Variants in VSIG2 observed in about 807,000 individuals in gnomAD.
VSIG2 encodes V-set and immunoglobulin domain containing 2, also known as V-set and immunoglobulin domain-containing protein 2.
A neutral mutation model predicts 29.4 loss-of-function variants in VSIG2; 30 were observed. The ratio of observed to expected loss-of-function variants is 1.02; its 90% CI spans 0.76 to 1.38. VSIG2 has a LOEUF of 1.38. Ranked by LOEUF, VSIG2 falls within the 40% of genes most tolerant of loss-of-function variation. VSIG2 has a pLI of 0.00. For synonymous variants in VSIG2, 178 were observed against 174.2 expected (o/e 1.02, Z -0.17); for missense variants, 421 against 400.8 (o/e 1.05, Z -0.43).
Position 124,750,488 on chromosome 11 carries a change from C to T in VSIG2, c.427+226G>A, listed in dbSNP as rs61910624. On this transcript the variant is annotated intron_variant, in intron 3 of 6. Coordinates refer to ENST00000326621, the MANE Select transcript of VSIG2 (RefSeq NM_014312.5). ...TGTATGGGAAGGACTTTCTCTCACA[C>T]ACTCTGTTATTAGGCTCTGATGGAG... Among the ~76,000 whole-genome samples, 5,141 of 152,010 alleles carry T rather than the reference C, an allele frequency of 0.034. 131 individuals carry two copies. The highest frequency in any genetic ancestry group is 0.082 in the East Asian group (424 of 5,144).
At chr11:124,750,577 G>T in intron 3 of VSIG2, 137 bp downstream of exon 3, 1 of 796,854 alleles carries the variant, frequency 1.3e-6, no homozygotes. Flanking sequence ...CTTGGAAAGG[G>T]AGTATTTTCA....
intron 4 of VSIG2, among the ~76,000 whole-genome samples, chr11:124,749,016 C>T (rs1565439209): frequency 6.6e-6 from 1 of 152,114 alleles, no homozygotes; most frequent in African/African-American, 2.4e-5. Context: ...GAGGACTGCA[C>T]ACTCATGAAG....
intron 6 of VSIG2, 72 bp from the exon 7 acceptor site, chr11:124,747,739 G>A: frequency 6.7e-7 from 1 of 1,498,482 alleles, no homozygotes; most frequent in Non-Finnish European, 9.0e-7. Flanking sequence ...TCTAACCTGG[G>A]GACTCTTAAA....
intron 6 of VSIG2, among the ~76,000 whole-genome samples, 162 bp from the exon 7 acceptor site, chr11:124,747,829 T>G (rs1944032054): frequency 6.6e-6 from 1 of 152,186 alleles, no homozygotes. Context: ...AACGCACAAC[T>G]ACAGGAAGGC....
At position 124,749,786 on chromosome 11, in the gene VSIG2, C is replaced by A. The variant is rs114520645; in HGVS notation, c.508G>T (p.Glu170Ter). Reference protein sequence around the residue: ...GSTALRCSSSEGAPKPVYNWV... With the variant: ...GSTALRCSSS ...TTGTACACTGGCTTAGGAGCCCCCT[C>A]GGAAGAGCTGCATCTCAGTGCAGTA... The change falls in exon 4 of 7, where the codon GAG (glutamate) becomes TAG (stop). Residue 170 changes from glutamate (E) to a stop codon, truncating the protein, a stop_gained. Transcript: ENST00000326621. LOFTEE classifies it high-confidence loss of function. 3 of 1,604,226 alleles carry A rather than the reference C, an allele frequency of 1.9e-6. No individual in the cohort carries two copies. Among genetic ancestry groups the A allele is most frequent in the Non-Finnish European group, 2.6e-6 (3 of 1,175,942 alleles).
Position 124,747,601 on chromosome 11 carries a change from G to A in VSIG2, c.918C>T (p.Phe306=). 1.2e-6 allele frequency: 2 copies of A among 1,613,858 alleles called. No individual in the cohort carries two copies. Among genetic ancestry groups the A allele is most frequent in the South Asian group, 2.2e-5 (2 of 91,060 alleles). Residue 306 remains phenylalanine (F), a synonymous_variant, in exon 7 of 7, where the codon TTC becomes TTT. Coordinates refer to ENST00000326621, the MANE Select transcript of VSIG2 (RefSeq NM_014312.5). ...TGCTGGCAGACGAGGGTCTTTCCAG[G>A]AACCCCTTGCTAGAATCAGCCCTCA... ...TCMRADSSKG[F]LERPSSASTV...
At position 124,748,485 on chromosome 11, in the gene VSIG2, GCCCAGGAGCACC is replaced by G; in HGVS notation, c.744_755del (p.Gly252_Leu255del). On this transcript the variant is annotated inframe_deletion, in exon 6 of 7. Coordinates refer to ENST00000326621, the MANE Select transcript of VSIG2 (RefSeq NM_014312.5). ...ACGCAGCAACTGACAGCAACAGCAC[GCCCAGGAGCACC>G]CCAATCAGAGCTCCGGCCACTCGGC... 1 of 1,614,082 alleles carries G rather than the reference GCCCAGGAGCACC, an allele frequency of 6.2e-7. No individual in the cohort carries two copies. Among genetic ancestry groups the G allele is most frequent in the Non-Finnish European group, 8.5e-7 (1 of 1,180,010 alleles).
In VSIG2 at chr11:124,748,819, C is replaced by T. The variant is rs139227308; in HGVS notation, c.587-56G>A. On this transcript the variant is annotated intron_variant, in intron 4 of 6. Transcript: ENST00000326621. The stretch of plus-strand genomic sequence containing the variant: ...TCATTCAACTCAGTGAGCAGCTCTA[C>T]GAGGACAGCACATTTCATGTCATCC... 722 of 1,613,144 alleles carry T rather than the reference C, an allele frequency of 4.5e-4. 1 individual carries two copies. The highest frequency in any genetic ancestry group is 3.0e-3 in the African/African-American group (227 of 75,012).
Position 124,749,885 on chromosome 11 carries a change from A to ACAAAAAAAAACC in VSIG2, c.428-20_428-19insGGTTTTTTTTTG, listed in dbSNP as rs376974429. On this transcript the variant is annotated intron_variant, in intron 3 of 6. Coordinates refer to ENST00000326621, the MANE Select transcript of VSIG2 (RefSeq NM_014312.5). ...GGGGGAACTGCAAAAAAAAAAAAAA[A>ACAAAAAAAAACC]AAAAAAAAAACAGAAAGTTCCTCAG... 1.3e-5 allele frequency: 18 copies of ACAAAAAAAAACC among 1,419,150 alleles called. No individual in the cohort carries two copies. Among genetic ancestry groups the ACAAAAAAAAACC allele is most frequent in the African/African-American group, 7.4e-5 (4 of 54,198 alleles). 87.9% of individuals were successfully genotyped at this position (1,419,150 alleles called of 1,614,324 possible).
intron 4 of VSIG2, 55 bp from the exon 5 acceptor site, chr11:124,748,818 A>G: frequency 6.2e-7 from 1 of 1,613,362 alleles, no homozygotes; most frequent in Non-Finnish European, 8.5e-7. Context: ...GAGCAGCTCT[A>G]CGAGGACAGC....
intron 2 of VSIG2, 135 bp from the exon 3 acceptor site, chr11:124,751,056 C>T: frequency 1.1e-6 from 1 of 872,322 alleles, no homozygotes; most frequent in South Asian, 1.8e-5. Context: ...TAAGCTGGAA[C>T]TCCAAAGGTC....
In VSIG2 at chr11:124,752,093, G is replaced by A. The variant is rs1944093321; in HGVS notation, c.45C>T (p.Gly15=). The change falls in exon 1 of 7, where the codon GGC becomes GGT. Residue 15 remains glycine, a synonymous_variant. Transcript: ENST00000326621. ...PGPFLCGALL[G]FLCLSGLAVE... ...CCTCCTCACCACTCAGGCACAGGAA[G>A]CCTAGCAGGGCCCCGCAGAGAAAGG... The A allele has an allele frequency of 2.5e-6, 4 of 1,606,816 alleles. No individual in the cohort carries two copies. Among genetic ancestry groups the A allele is most frequent in the East Asian group, 2.2e-5 (1 of 44,752 alleles).
chr11:124,748,509 T>G lies in VSIG2; in HGVS notation c.732A>C (p.Gly244=). The part of the protein sequence containing the change: ...VTEPSQGRVA[G]ALIGVLLGVL... ...CGCCCAGGAGCACCCCAATCAGAGCTCCGGCCACTCGGCCTTGGGAGGGTT... is the reference window on the plus strand; with the variant it reads ...CGCCCAGGAGCACCCCAATCAGAGCGCCGGCCACTCGGCCTTGGGAGGGTT... Residue 244 remains glycine, a synonymous_variant, in exon 6 of 7, where the codon GGA becomes GGC. Transcript: ENST00000326621. 1 of 1,614,056 alleles carries G rather than the reference T, an allele frequency of 6.2e-7. No homozygotes were observed. The highest frequency in any genetic ancestry group is 1.3e-5 in the African/African-American group (1 of 74,984).
At position 124,750,810 on chromosome 11, in the gene VSIG2, C is replaced by A; in HGVS notation, c.331G>T (p.Val111Phe). Residue 111 changes from valine (V) to phenylalanine (F), a missense_variant, in exon 3 of 7, where the codon GTC becomes TTC. Transcript: ENST00000326621. Reference sequence around the variant, plus strand: ...TAGGTTCCAGTATCTGAGGGGTGGACGTCAGTCAGTTTCAGTGTGGCCACC... The same window carrying A: ...TAGGTTCCAGTATCTGAGGGGTGGAAGTCAGTCAGTTTCAGTGTGGCCACC... ...VGVATLKLTD[V>F]HPSDTGTYLC... 1 of 1,614,050 alleles carries A rather than the reference C, an allele frequency of 6.2e-7. No homozygotes were observed.
Position 124,748,681 on chromosome 11 carries a change from C to T in VSIG2, c.669G>A (p.Met223Ile), listed in dbSNP as rs774205886. ...GGGTCAGCTCACAGGATGCACTGCC[C>T]ATCTGGTTGGTGGCCACACAGCGGT... ...GTYRCVATNQ[M>I]GSASCELTLS... Residue 223 changes from methionine (M) to isoleucine (I), a missense_variant, in exon 5 of 7, where the codon ATG becomes ATA. Physicochemically the swap from Met to Ile is conservative, Grantham distance 10. Coordinates refer to ENST00000326621, the MANE Select transcript of VSIG2 (RefSeq NM_014312.5). 5.0e-6 allele frequency: 8 copies of T among 1,614,000 alleles called. No individual in the cohort carries two copies. In the South Asian group the frequency reaches 5.5e-5, roughly 11 times the overall value.
At chr11:124,751,350 C>T (rs1023861185) in intron 2 of VSIG2, 73 bp downstream of exon 2, 94 of 1,584,152 alleles carry the variant, frequency 5.9e-5, no homozygotes, top group African/African-American at 5.8e-4. Flanking sequence ...CTCCCCCTCC[C>T]GACCCCATGC....
chr11:124,748,628 C>T lies in VSIG2; in HGVS notation c.706+16G>A, dbSNP rs1944044520. 6.2e-7 allele frequency: 1 copy of T among 1,610,102 alleles called. No homozygotes were observed. ...AACACAAGGCTGCTGGCCTGGCCTC[C>T]ACCCAGCATCCCTACCGGTCACAGA... is the stretch of plus-strand genomic sequence containing the variant. On this transcript the variant is annotated intron_variant, in intron 5 of 6. Coordinates refer to ENST00000326621, the MANE Select transcript of VSIG2 (RefSeq NM_014312.5).
At position 124,748,505 on chromosome 11, in the gene VSIG2, G is replaced by A; in HGVS notation, c.736C>T (p.Leu246=). ...EPSQGRVAGA[L]IGVLLGVLLL... is the part of the protein sequence containing the mutation. ...AGCACGCCCAGGAGCACCCCAATCA[G>A]AGCTCCGGCCACTCGGCCTTGGGAG... The change falls in exon 6 of 7, where the codon CTG becomes TTG. Residue 246 remains leucine, a synonymous_variant. Coordinates refer to ENST00000326621, the MANE Select transcript of VSIG2 (RefSeq NM_014312.5). 2 of 1,614,174 alleles carry A rather than the reference G, an allele frequency of 1.2e-6. No individual in the cohort carries two copies. Among genetic ancestry groups the A allele is most frequent in the Non-Finnish European group, 1.7e-6 (2 of 1,180,034 alleles).
chr11:124,749,665 C>T (rs1944056267), intron 4 of VSIG2, 43 bp downstream of exon 4: 1 of 1,593,228 alleles, frequency 6.3e-7, no homozygotes, highest in Non-Finnish European at 8.5e-7. Flanking sequence ...ACCAGATTTG[C>T]CCAGGTCTCC....
Sources: gnomAD v4.1 joint callset for allele counts (sites outside exome capture counted in the v4.1 genomes callset) on GRCh38, gnomAD v4.1.1 for gene constraint, MANE v1.5 for transcripts, NCBI Gene and HGNC (gene_info 2026-07-23, HGNC 2026-07-21) for gene names.